SYN3: variants seen among roughly 807,000 people sequenced by gnomAD.
SYN3 encodes the protein synapsin III.
Under a neutral mutation model 65.8 loss-of-function variants are expected in SYN3, and 35 were observed. The observed-to-expected ratio is 0.53, with a 90% CI of 0.41 to 0.70. The LOEUF is 0.70. Among genes scored for constraint, SYN3 ranks in the 30% least tolerant of loss-of-function variants. The pLI is 0.00. For missense variants in SYN3, 680 were observed against 749.0 expected, an observed-to-expected ratio of 0.91 and a Z score of 1.08; for synonymous variants, 270 against 292.9, an observed-to-expected ratio of 0.92 and a Z score of 0.80.
chr22:32,686,898 C>A (rs1163140582), intron 6 of SYN3, among the ~76,000 whole-genome samples: 1 of 151,926 alleles, frequency 6.6e-6, no homozygotes, highest in Non-Finnish European at 1.5e-5. Context: ...CCTGGCCCAG[C>A]CGCTCCATTT....
intron 6 of SYN3, among the ~76,000 whole-genome samples, chr22:32,794,592 G>A (rs918013612): frequency 6.6e-6 from 1 of 152,220 alleles, no homozygotes; most frequent in Non-Finnish European, 1.5e-5. Context: ...TGCATATGAT[G>A]TGTTAGGCAG....
chr22:32,625,828 A>G (rs1169881821), intron 6 of SYN3, among the ~76,000 whole-genome samples: 1 of 152,198 alleles, frequency 6.6e-6, no homozygotes, highest in African/African-American at 2.4e-5. Flanking sequence ...CCATGTGAGG[A>G]TTCAAGCAAG....
intron 4 of SYN3, among the ~76,000 whole-genome samples, chr22:32,926,771 T>G (rs1002033630): frequency 6.6e-6 from 1 of 152,248 alleles, no homozygotes; most frequent in Non-Finnish European, 1.5e-5. Flanking sequence ...ATACATACAC[T>G]GGTGACACAA....
At chr22:32,546,001 C>G (rs576668462) in intron 7 of SYN3, among the ~76,000 whole-genome samples, 37 of 152,314 alleles carry the variant, frequency 2.4e-4, no homozygotes, top group African/African-American at 7.9e-4. Flanking sequence ...GCAATCATGA[C>G]TCACTGCAGC....
At chr22:32,780,930 TTCCTTTCCTTCC>T (rs1480855021) in intron 6 of SYN3, among the ~76,000 whole-genome samples, 77 of 117,118 alleles carry the variant, frequency 6.6e-4, no homozygotes, top group African/African-American at 2.3e-3. Flanking sequence ...CCTTCCTTCC[TTCCTTTCCTTCC>T]TTCCTTCCTT....
intron 6 of SYN3, among the ~76,000 whole-genome samples, chr22:32,713,879 G>C (rs2061001593): frequency 6.6e-6 from 1 of 150,662 alleles, no homozygotes; most frequent in African/African-American, 2.4e-5. Flanking sequence ...CACCAAATCT[G>C]CATCAACACC....
At chr22:32,581,765 T>TTTTTC (rs1204261909) in intron 7 of SYN3, among the ~76,000 whole-genome samples, 2 of 145,186 alleles carry the variant, frequency 1.4e-5, no homozygotes, top group African/African-American at 5.0e-5. Context: ...TTTCTTTTTC[T>TTTTTC]TTTTCTTTTC....
chr22:32,624,362 G>C (rs573026863), intron 6 of SYN3, among the ~76,000 whole-genome samples: 3 of 152,214 alleles, frequency 2.0e-5, no homozygotes, highest in Non-Finnish European at 2.9e-5. Flanking sequence ...TCCCCAGGAT[G>C]AGCAGCATTC....
chr22:33,013,576 ACT>A (rs1344349898), intron 1 of SYN3, among the ~76,000 whole-genome samples: 1 of 152,054 alleles, frequency 6.6e-6, no homozygotes, highest in Non-Finnish European at 1.5e-5. Context: ...TTTAAAATCT[ACT>A]CTTTTAGCAA....
intron 12 of SYN3, among the ~76,000 whole-genome samples, chr22:32,522,143 T>C (rs1334346819): frequency 6.6e-6 from 1 of 152,242 alleles, no homozygotes; most frequent in Non-Finnish European, 1.5e-5. Flanking sequence ...ATTTCACTTT[T>C]ACTGAGTTGA....
At chr22:32,954,097 C>G (rs2051371434) in intron 3 of SYN3, among the ~76,000 whole-genome samples, 3 of 140,402 alleles carry the variant, frequency 2.1e-5, no homozygotes, top group African/African-American at 8.4e-5. Flanking sequence ...TGTACCCACA[C>G]CCAACAAAAC....
chr22:32,630,263 T>A (rs1461109180), intron 6 of SYN3, among the ~76,000 whole-genome samples: 2 of 152,124 alleles, frequency 1.3e-5, no homozygotes, highest in Non-Finnish European at 2.9e-5. Flanking sequence ...ATTACAGGCC[T>A]AAGCCACCAC....
chr22:32,682,590 TTA>T (rs2147118629), intron 6 of SYN3, among the ~76,000 whole-genome samples: 1 of 152,278 alleles, frequency 6.6e-6, no homozygotes, highest in East Asian at 1.9e-4. Context: ...TTCATATACA[TTA>T]TCTCTTTAGA....
intron 1 of SYN3, among the ~76,000 whole-genome samples, chr22:33,051,685 C>CT (rs3091361): frequency 0.82 from 124,556 of 152,016 alleles, 51,248 homozygotes; most frequent in African/African-American, 0.86. Flanking sequence ...ACACAAACAA[C>CT]CAAGGGTCAG....
chr22:32,657,023 G>A (rs1369725795), intron 6 of SYN3, among the ~76,000 whole-genome samples: 7 of 152,086 alleles, frequency 4.6e-5, no homozygotes, highest in African/African-American at 1.4e-4. Context: ...TGGAATTCTG[G>A]GAAGAGATCC....
chr22:32,826,005 A>G (rs1328920407), intron 6 of SYN3, among the ~76,000 whole-genome samples: 1 of 152,256 alleles, frequency 6.6e-6, no homozygotes. Flanking sequence ...TAATATAAAT[A>G]TAAAGCATAG....
intron 5 of SYN3, among the ~76,000 whole-genome samples, chr22:32,868,200 A>T (rs2048740252): frequency 6.6e-6 from 1 of 152,134 alleles, no homozygotes; most frequent in Non-Finnish European, 1.5e-5. Flanking sequence ...ATAATGATAG[A>T]ATGTTCATAA....
At chr22:32,767,778 CT>C (rs2045666929) in intron 6 of SYN3, among the ~76,000 whole-genome samples, 1 of 152,148 alleles carries the variant, frequency 6.6e-6, no homozygotes, top group South Asian at 2.1e-4. Context: ...CAGATTTTGT[CT>C]TTGTATTGAT....
intron 6 of SYN3, among the ~76,000 whole-genome samples, chr22:32,638,813 G>A (rs1460904456): frequency 6.6e-6 from 1 of 152,090 alleles, no homozygotes; most frequent in East Asian, 1.9e-4. Flanking sequence ...AAGTTCTTTA[G>A]TTTAATTAGG....
Sources: allele counts gnomAD v4.1 joint callset (sites outside exome capture counted in the v4.1 genomes callset), GRCh38; gene constraint gnomAD v4.1.1; transcripts MANE v1.5; gene names NCBI Gene and HGNC (gene_info 2026-07-23, HGNC 2026-07-21).